The following PDLIM1 variants were observed in gnomAD, a reference collection of about 807,000 sequenced individuals.
PDLIM1 encodes the protein PDZ and LIM domain protein 1.
PDLIM1 carries 25 observed loss-of-function variants against 35.2 expected under a neutral mutation model. The observed-to-expected ratio is 0.71, with a 90% confidence interval of 0.52 to 0.99. PDLIM1 has a LOEUF of 0.99. PDLIM1 is among the 50% of genes least tolerant of loss of function. The pLI is 0.00. For missense variants in PDLIM1, 363 were observed against 415.3 expected (o/e 0.87, Z 1.09); for synonymous variants, 152 against 154.0 (o/e 0.99, Z 0.10).
intron 4 of PDLIM1, among the ~76,000 whole-genome samples, chr10:95,251,320 C>T (rs1020219901): frequency 6.6e-6 from 1 of 151,638 alleles, no homozygotes; most frequent in Non-Finnish European, 1.5e-5. Flanking sequence ...GGTGCGGTGG[C>T]TCACACCTTT....
At chr10:95,277,346 A>T (rs1229150099) in intron 1 of PDLIM1, among the ~76,000 whole-genome samples, 1 of 152,152 alleles carries the variant, frequency 6.6e-6, no homozygotes, top group African/African-American at 2.4e-5. Flanking sequence ...GGGGACAGGC[A>T]CAGTAGCTCA....
chr10:95,265,576 C>T (rs1268268706), intron 3 of PDLIM1, among the ~76,000 whole-genome samples: 1 of 112,384 alleles, frequency 8.9e-6, no homozygotes, highest in African/African-American at 3.6e-5. Flanking sequence ...GCCTGGGCAA[C>T]GAGAGTGGAA....
chr10:95,251,474 G>C (rs2035267286), intron 4 of PDLIM1, among the ~76,000 whole-genome samples: 1 of 152,106 alleles, frequency 6.6e-6, no homozygotes, highest in Non-Finnish European at 1.5e-5. Flanking sequence ...TACTTGGAAG[G>C]CTGAGGCAGT....
chr10:95,266,120 T>G (rs1417943909), intron 3 of PDLIM1, among the ~76,000 whole-genome samples: 2 of 149,148 alleles, frequency 1.3e-5, no homozygotes, highest in African/African-American at 5.0e-5. Context: ...TCACTTGAAC[T>G]CAGGAGGCAG....
At chr10:95,254,315 TAATC>T (rs1453448950) in intron 4 of PDLIM1, among the ~76,000 whole-genome samples, 1 of 152,208 alleles carries the variant, frequency 6.6e-6, no homozygotes, top group Non-Finnish European at 1.5e-5. Context: ...ATGCCAATAT[TAATC>T]AAAAGAAAAC....
chr10:95,246,703 CA>C (rs2035224602), intron 5 of PDLIM1, among the ~76,000 whole-genome samples: 1 of 152,182 alleles, frequency 6.6e-6, no homozygotes. Context: ...AACATGGCCA[CA>C]AGGGGGAGCT....
At chr10:95,245,377 C>CCA (rs760369304) in intron 5 of PDLIM1, among the ~76,000 whole-genome samples, 20 of 152,282 alleles carry the variant, frequency 1.3e-4, no homozygotes, top group Non-Finnish European at 2.4e-4. Flanking sequence ...GGAATAGAAG[C>CCA]CACAAATTTG....
intron 4 of PDLIM1, among the ~76,000 whole-genome samples, chr10:95,252,605 A>G (rs997245946): frequency 6.6e-6 from 1 of 152,260 alleles, no homozygotes. Context: ...GGATTATCTA[A>G]CAAAGATGGT....
rs555280004 is a variant in PDLIM1 at position 95,257,252 on chromosome 10, TAACA to T, written c.533+6608_533+6611del. Among the ~76,000 whole-genome samples the T allele has an allele frequency of 3.8e-3, 579 of 151,814 alleles. 2 individuals are homozygous for T. Among genetic ancestry groups the T allele is most frequent in the Non-Finnish European group, 6.7e-3 (455 of 67,922 alleles). On this transcript the variant is annotated intron_variant, in intron 4 of 6. Transcript: ENST00000329399. Reference sequence around the variant, plus strand: ...AAAAATAAAAATAAAAAAAGCTTCCTAACATTGAATTTGGTGATGATTTCTTGAA... The same window carrying T: ...AAAAATAAAAATAAAAAAAGCTTCCTTTGAATTTGGTGATGATTTCTTGAA...
chr10:95,270,307 G>A (rs35777379), intron 2 of PDLIM1, among the ~76,000 whole-genome samples: 35,712 of 150,536 alleles, frequency 0.24, 4,717 homozygotes, highest in African/African-American at 0.36. Flanking sequence ...CCCCACACTC[G>A]ATCCACCTGC....
chr10:95,239,614 A>G (rs1440139980), intron 5 of PDLIM1, among the ~76,000 whole-genome samples: 3 of 152,136 alleles, frequency 2.0e-5, no homozygotes, highest in Non-Finnish European at 4.4e-5. Context: ...TGGCCAACAT[A>G]GCCAAACCCC....
At position 95,258,239 on chromosome 10, in the gene PDLIM1, G is replaced by A. The variant is rs145233352; in HGVS notation, c.533+5625C>T. On this transcript the variant is annotated intron_variant, in intron 4 of 6. Coordinates refer to ENST00000329399, the MANE Select transcript of PDLIM1 (RefSeq NM_020992.4). ...GTGGAATTCAAGATGGGATCTCGGC[G>A]GGGACACAGACAAACCATATCAACA... Among the ~76,000 whole-genome samples the A allele has an allele frequency of 5.9e-5, 9 of 151,884 alleles. No homozygotes were observed. The East Asian group carries it at 1.2e-3, about 20-fold the overall frequency.
chr10:95,276,967 C>T (rs2035517796), intron 1 of PDLIM1, among the ~76,000 whole-genome samples: 1 of 148,648 alleles, frequency 6.7e-6, no homozygotes, highest in Non-Finnish European at 1.5e-5. Flanking sequence ...AATCCCAGCA[C>T]TGTGGGAGAC....
rs137902549 is a variant in PDLIM1, at chr10:95,263,883, C to T, written c.514G>A (p.Val172Met). ...ACTTACGGTCTGCTGTTCGCCTCCA[C>T]CCCGCTGGCAGCAGTCTTTGACTCC... is the stretch of plus-strand genomic sequence containing the variant. The part of the protein sequence containing the change: ...ALESKTAASG[V>M]EANSRPLDHA... Residue 172 changes from valine (V) to methionine (M), a missense_variant, in exon 4 of 7, where the codon GTG (valine) becomes ATG (methionine). Val to Met is a conservative substitution (Grantham distance 21, BLOSUM62 1). Coordinates refer to ENST00000329399, the MANE Select transcript of PDLIM1 (RefSeq NM_020992.4). 1.3e-4 allele frequency: 211 copies of T among 1,612,960 alleles called. No individual in the cohort carries two copies. The highest frequency in any genetic ancestry group is 1.7e-4 in the Non-Finnish European group (201 of 1,179,526).
At chr10:95,241,281 C>T (rs900096068) in intron 5 of PDLIM1, among the ~76,000 whole-genome samples, 3 of 152,190 alleles carry the variant, frequency 2.0e-5, no homozygotes, top group African/African-American at 7.2e-5. Context: ...GATAGCATCT[C>T]GCTATGTTGT....
At chr10:95,280,638 A>G (rs949677345) in intron 1 of PDLIM1, among the ~76,000 whole-genome samples, 3 of 152,222 alleles carry the variant, frequency 2.0e-5, no homozygotes, top group African/African-American at 7.2e-5. Flanking sequence ...GTTTTAACCA[A>G]ATATTTGTCA....
intron 3 of PDLIM1, among the ~76,000 whole-genome samples, chr10:95,265,771 G>A (rs1483161090): frequency 2.0e-5 from 3 of 151,718 alleles, no homozygotes; most frequent in Middle Eastern, 3.4e-3. Context: ...AGACAGTCAA[G>A]TAGCCTGTAG....
At chr10:95,256,986 A>AGAAAGAAAGAAAG (rs1554832102) in intron 4 of PDLIM1, among the ~76,000 whole-genome samples, 1 of 61,658 alleles carries the variant, frequency 1.6e-5, no homozygotes, top group Non-Finnish European at 3.2e-5. Context: ...AAAAAAAAAA[A>AGAAAGAAAGAAAG]AAAGAAAGAA....
chr10:95,258,593 T>C (rs946860471), intron 4 of PDLIM1, among the ~76,000 whole-genome samples: 2 of 152,166 alleles, frequency 1.3e-5, no homozygotes, highest in African/African-American at 4.8e-5. Flanking sequence ...GACAAATGCA[T>C]GACTCCAATT....
Sources: allele counts gnomAD v4.1 joint callset (sites outside exome capture counted in the v4.1 genomes callset), GRCh38; gene constraint gnomAD v4.1.1; transcripts MANE v1.5; gene names NCBI Gene and HGNC (gene_info 2026-07-23, HGNC 2026-07-21).